The following COG5 variants were observed in gnomAD, a reference collection of about 807,000 sequenced individuals.
COG5 encodes conserved oligomeric Golgi complex subunit 5.
A neutral mutation model predicts 110.4 loss-of-function variants in COG5; 86 were observed. That is an observed-to-expected ratio of 0.78 (90% CI 0.65 to 0.93). The LOEUF is 0.93. Ranked by LOEUF, COG5 falls within the 40% of genes least tolerant of loss-of-function variation. COG5 has a pLI of 0.00. For synonymous variants in COG5, 360 were observed against 334.6 expected (o/e 1.08, Z -0.83); for missense variants, 1,077 against 987.0 (o/e 1.09, Z -1.22).
At chr7:107,504,208 A>G (rs1798820723) in intron 6 of COG5, among the ~76,000 whole-genome samples, 1 of 152,148 alleles carries the variant, frequency 6.6e-6, no homozygotes, top group Non-Finnish European at 1.5e-5. Flanking sequence ...TTATCATAAA[A>G]GGATGCTGGA....
chr7:107,409,929 C>T (rs1792154556), intron 7 of COG5, among the ~76,000 whole-genome samples: 1 of 152,132 alleles, frequency 6.6e-6, no homozygotes, highest in African/African-American at 2.4e-5. Flanking sequence ...GAAGAGGGAA[C>T]TGGACGTAAT....
At chr7:107,416,009 C>T (rs565568252) in intron 6 of COG5, among the ~76,000 whole-genome samples, 1 of 145,490 alleles carries the variant, frequency 6.9e-6, no homozygotes, top group South Asian at 2.2e-4. Flanking sequence ...TATACACACA[C>T]ATACACGTAT....
At chr7:107,338,335 T>C (rs1810885610) in intron 10 of COG5, among the ~76,000 whole-genome samples, 1 of 151,804 alleles carries the variant, frequency 6.6e-6, no homozygotes, top group African/African-American at 2.4e-5. Flanking sequence ...AGCCCAGAAA[T>C]AAACCCTCAA....
chr7:107,422,206 G>A (rs1391836641), intron 6 of COG5, among the ~76,000 whole-genome samples: 3 of 152,070 alleles, frequency 2.0e-5, no homozygotes, highest in East Asian at 1.9e-4. Context: ...TAATACCAAC[G>A]AAGAGGAAAA....
intron 8 of COG5, among the ~76,000 whole-genome samples, chr7:107,364,034 AAAGAT>A (rs1168153806): frequency 6.6e-6 from 1 of 152,234 alleles, no homozygotes; most frequent in African/African-American, 2.4e-5. Flanking sequence ...TACTAATTAC[AAAGAT>A]AAGAGCATAG....
chr7:107,498,342 C>G (rs1241389952), intron 6 of COG5, among the ~76,000 whole-genome samples: 1 of 152,096 alleles, frequency 6.6e-6, no homozygotes, highest in Non-Finnish European at 1.5e-5. Flanking sequence ...AAAATGCAAC[C>G]TATGAAATGC....
chr7:107,258,365 C>T lies in COG5; in HGVS notation c.1594G>A (p.Ala532Thr). 6.2e-7 allele frequency: 1 copy of T among 1,608,722 alleles called. No homozygotes were observed. The highest frequency in any genetic ancestry group is 8.5e-7 in the Non-Finnish European group (1 of 1,175,270). Residue 532 changes from alanine to threonine, a missense_variant, in exon 15 of 22, where the codon GCA becomes ACA. By Grantham distance (58) the Ala-to-Thr change is moderately conservative (BLOSUM62 0). Transcript: ENST00000297135. ...GTAAGAGGCCCAATCACCTGACTTG[C>T]ATCTCCTTGTGTGGAGAGCTGTAAG... ...SEQLLSTQGD[A>T]SQVIGPLTEG... is the part of the protein sequence containing the mutation.
At chr7:107,501,186 A>C (rs1798608363) in intron 6 of COG5, among the ~76,000 whole-genome samples, 1 of 152,088 alleles carries the variant, frequency 6.6e-6, no homozygotes, top group Non-Finnish European at 1.5e-5. Flanking sequence ...TGTAGTTCTG[A>C]GGCACTTTGT....
rs538476088 is a variant in COG5, at chr7:107,202,966, T to C, written c.*550A>G. The C allele has an allele frequency of 7.2e-4, 107 of 149,472 alleles. No individual in the cohort carries two copies. Among genetic ancestry groups the C allele is most frequent in the Middle Eastern group, 3.6e-3 (1 of 280 alleles). The allele number at this position is 149,472 out of a possible 1,614,324, so 9.3% of individuals were successfully genotyped here. A position where few individuals can be genotyped will look rare whatever the true frequency, so the allele number is the denominator to read the frequency against. On this transcript the variant is annotated 3_prime_UTR_variant, in exon 22 of 22. Transcript: ENST00000297135. ...ACTTTGTTGTCTATTGGAATCATTT[T>C]GGGGATTTTTTTTTTTTTTAATAGT...
At chr7:107,502,596 T>C (rs1179920390) in intron 6 of COG5, among the ~76,000 whole-genome samples, 1 of 152,112 alleles carries the variant, frequency 6.6e-6, no homozygotes, top group Non-Finnish European at 1.5e-5. Flanking sequence ...GGAATCTCCA[T>C]ACTGTTTTCC....
intron 10 of COG5, among the ~76,000 whole-genome samples, chr7:107,346,793 G>A (rs1482443810): frequency 6.6e-6 from 1 of 151,776 alleles, no homozygotes; most frequent in African/African-American, 2.4e-5. Context: ...ATGTTGGTGT[G>A]CTGCACCCAT....
chr7:107,307,561 C>T (rs1263044394), intron 11 of COG5, among the ~76,000 whole-genome samples: 1 of 152,176 alleles, frequency 6.6e-6, no homozygotes, highest in African/African-American at 2.4e-5. Flanking sequence ...CAATATCATT[C>T]TATCATTTCA....
chr7:107,339,128 G>A (rs765043875), intron 10 of COG5, among the ~76,000 whole-genome samples: 1 of 152,096 alleles, frequency 6.6e-6, no homozygotes, highest in Non-Finnish European at 1.5e-5. Context: ...ATCTTCAAGA[G>A]ACTGATCTCA....
chr7:107,238,109 C>G (rs1038564143), intron 17 of COG5, among the ~76,000 whole-genome samples: 6 of 152,010 alleles, frequency 3.9e-5, no homozygotes, highest in Non-Finnish European at 5.9e-5. Context: ...ATCATTTATT[C>G]CTCCTAACTG....
chr7:107,259,520 C>T (rs1185975705), intron 14 of COG5, among the ~76,000 whole-genome samples: 1 of 152,038 alleles, frequency 6.6e-6, no homozygotes, highest in African/African-American at 2.4e-5. Context: ...GGAGAGGCTC[C>T]TGAATAAGGC....
At chr7:107,316,404 G>A (rs1263578568) in intron 11 of COG5, among the ~76,000 whole-genome samples, 1 of 152,056 alleles carries the variant, frequency 6.6e-6, no homozygotes, top group Non-Finnish European at 1.5e-5. Flanking sequence ...GAGGAAATAA[G>A]GCTCTTATTT....
chr7:107,241,460 TA>T (rs1282892150), intron 17 of COG5, among the ~76,000 whole-genome samples: 3 of 149,400 alleles, frequency 2.0e-5, no homozygotes, highest in Non-Finnish European at 4.4e-5. Flanking sequence ...TTTATTTATT[TA>T]TTTTTTTTTG....
chr7:107,406,754 T>C (rs533063151), intron 7 of COG5, among the ~76,000 whole-genome samples: 2 of 152,288 alleles, frequency 1.3e-5, no homozygotes, highest in African/African-American at 4.8e-5. Flanking sequence ...CCTTCTAGAA[T>C]TACTTGGTTT....
At chr7:107,339,844 C>A (rs769380006) in intron 10 of COG5, among the ~76,000 whole-genome samples, 8 of 151,896 alleles carry the variant, frequency 5.3e-5, no homozygotes, top group Non-Finnish European at 1.2e-4. Context: ...ATACCGAAAT[C>A]TCTGTGATGC....
Sources: gnomAD v4.1 joint callset for allele counts (sites outside exome capture counted in the v4.1 genomes callset) on GRCh38, gnomAD v4.1.1 for gene constraint, MANE v1.5 for transcripts, NCBI Gene and HGNC (gene_info 2026-07-23, HGNC 2026-07-21) for gene names.